The following PGBD2 variants were observed in gnomAD, a reference collection of about 807,000 sequenced individuals.
The protein encoded by PGBD2 is piggyBac transposable element-derived protein 2.
PGBD2 carries 6 observed loss-of-function variants against 8.1 expected under a neutral mutation model. That is an observed-to-expected ratio of 0.74 (90% CI 0.40 to 1.46). The LOEUF (loss-of-function observed/expected upper bound fraction) is 1.46. Among genes scored for constraint, PGBD2 ranks in the 40% most tolerant of loss-of-function variants. The pLI is 0.02. For synonymous variants in PGBD2, 318 were observed against 272.2 expected, an observed-to-expected ratio of 1.17 and a Z score of -1.66; for missense variants, 802 against 739.0, an observed-to-expected ratio of 1.09 and a Z score of -0.99.
chr1:248,873,970 T>A, the PGBD2 span, among the ~76,000 whole-genome samples: 1 of 152,186 alleles, frequency 6.6e-6, no homozygotes, highest in Non-Finnish European at 1.5e-5. Flanking sequence ...ACATTCGTTT[T>A]ATTAGCATTT....
At chr1:248,873,976 C>A in the PGBD2 span, among the ~76,000 whole-genome samples, 1 of 152,202 alleles carries the variant, frequency 6.6e-6, no homozygotes, top group Non-Finnish European at 1.5e-5. Context: ...GTTTTATTAG[C>A]ATTTTATTCC....
intron 1 of PGBD2, among the ~76,000 whole-genome samples, chr1:248,912,272 A>C (rs1402596497): frequency 6.6e-6 from 1 of 152,140 alleles, no homozygotes; most frequent in Admixed American, 6.5e-5. Context: ...TTATCAGTTT[A>C]CTGACAGGGT....
chr1:248,876,576 G>C, the PGBD2 span, among the ~76,000 whole-genome samples: 1 of 152,192 alleles, frequency 6.6e-6, no homozygotes. Context: ...GTGGAAACTA[G>C]TCTTGTTATA....
downstream of PGBD2, among the ~76,000 whole-genome samples, chr1:248,920,716 C>T (rs1423814005): frequency 1.3e-5 from 2 of 152,170 alleles, no homozygotes; most frequent in Admixed American, 6.5e-5. Flanking sequence ...AAGGAATCGC[C>T]ACACTGTCTT....
chr1:248,916,712 T>C lies in PGBD2; in HGVS notation c.128T>C (p.Phe43Ser). 1 of 1,614,142 alleles carries C rather than the reference T, an allele frequency of 6.2e-7. No homozygotes were observed. Among genetic ancestry groups the C allele is most frequent in the East Asian group, 2.2e-5 (1 of 44,876 alleles). The change falls in exon 3 of 3, where the codon TTC becomes TCC. Residue 43 changes from phenylalanine (F) to serine (S), a missense_variant. By Grantham distance (155) the Phe-to-Ser change is radical. Transcript: ENST00000329291. ...EESNNNREEI[F>S]IAPPDNAAGE... ...TCCAACAACAACAGGGAAGAGATTT[T>C]CATTGCACCTCCCGACAATGCTGCG... is the stretch of plus-strand genomic sequence containing the variant.
At chr1:248,885,289 G>C in the PGBD2 span, among the ~76,000 whole-genome samples, 5 of 151,096 alleles carry the variant, frequency 3.3e-5, no homozygotes, top group Non-Finnish European at 7.4e-5. Flanking sequence ...CATGAGCCAC[G>C]ATGTCTGGCT....
downstream of PGBD2, among the ~76,000 whole-genome samples, chr1:248,924,808 C>G (rs1426060933): frequency 6.6e-6 from 1 of 152,238 alleles, no homozygotes; most frequent in Non-Finnish European, 1.5e-5. Flanking sequence ...CTTGCTGCCA[C>G]TGGCCCCGGC....
At position 248,916,747 on chromosome 1, in the gene PGBD2, A is replaced by G. The variant is rs774418521; in HGVS notation, c.163A>G (p.Thr55Ala). 1.9e-6 allele frequency: 3 copies of G among 1,614,124 alleles called. No individual in the cohort carries two copies. In the East Asian group the frequency reaches 6.7e-5, roughly 36 times the overall value. The change falls in exon 3 of 3, where the codon ACT (threonine) becomes GCT (alanine). Residue 55 changes from threonine to alanine, a missense_variant. Physicochemically the swap from Thr to Ala is moderately conservative, Grantham distance 58. Transcript: ENST00000329291. ...APPDNAAGEF[T>A]DEDSGDEDSQ... ...TCCCGACAATGCTGCGGGGGAATTC[A>G]CTGATGAGGACTCAGGGGATGAAGA...
At chr1:248,915,128 A>T (rs1558288017) in intron 2 of PGBD2, among the ~76,000 whole-genome samples, 2 of 152,082 alleles carry the variant, frequency 1.3e-5, no homozygotes, top group Non-Finnish European at 2.9e-5. Context: ...ATTCATTGCT[A>T]CCTGACACCA....
At chr1:248,906,482 C>G (rs961946522) in intron 1 of PGBD2, 140 bp downstream of exon 1, 1 of 150,894 alleles carries the variant, frequency 6.6e-6, no homozygotes, top group Non-Finnish European at 1.5e-5. Context: ...CTGGCGGGAC[C>G]AGGACAGGAA....
At chr1:248,886,696 A>G in the PGBD2 span, among the ~76,000 whole-genome samples, 10 of 152,232 alleles carry the variant, frequency 6.6e-5, no homozygotes, top group Non-Finnish European at 1.2e-4. Context: ...TTGTGAATGC[A>G]TGCTCCAGCT....
At chr1:248,875,353 G>A in the PGBD2 span, among the ~76,000 whole-genome samples, 3 of 147,000 alleles carry the variant, frequency 2.0e-5, no homozygotes, top group African/African-American at 7.5e-5. Context: ...AAAGAAAGTT[G>A]AGATCTGTAA....
intron 1 of PGBD2, among the ~76,000 whole-genome samples, chr1:248,907,762 G>C (rs1284110192): frequency 6.6e-6 from 1 of 152,182 alleles, no homozygotes; most frequent in African/African-American, 2.4e-5. Context: ...GGTCAAGGTT[G>C]GAGCAAAGAG....
At chr1:248,923,823 G>A (rs1449266011), downstream of PGBD2, among the ~76,000 whole-genome samples, 1 of 152,192 alleles carries the variant, frequency 6.6e-6, no homozygotes. Context: ...GGCAGATCCA[G>A]CCCCACTCAG....
chr1:248,880,531 C>A, the PGBD2 span, among the ~76,000 whole-genome samples: 1 of 152,212 alleles, frequency 6.6e-6, no homozygotes. Context: ...CTCATCAGAA[C>A]TTTCAACCCA....
At chr1:248,903,594 C>T (rs537697749), upstream of PGBD2, among the ~76,000 whole-genome samples, 4 of 152,324 alleles carry the variant, frequency 2.6e-5, no homozygotes, top group South Asian at 8.3e-4. Context: ...CATTTATTAA[C>T]AAGCAAGCTT....
rs1204174604 is a variant in PGBD2, at chr1:248,918,101, G to A, written c.1517G>A (p.Cys506Tyr). ...NNAWQLHRIC[C>Y]QDAQVDLLAF... ...GCATGGCAGCTGCATAGAATCTGCTGCCAAGATGCCCAGGTGGACCTCCTT... is the reference window on the plus strand; with the variant it reads ...GCATGGCAGCTGCATAGAATCTGCTACCAAGATGCCCAGGTGGACCTCCTT... Residue 506 changes from cysteine to tyrosine, a missense_variant, in exon 3 of 3, where the codon TGC (cysteine) becomes TAC (tyrosine). By Grantham distance (194) the Cys-to-Tyr change is radical. Transcript: ENST00000329291. 6.2e-7 allele frequency: 1 copy of A among 1,614,230 alleles called. No individual in the cohort carries two copies. The highest frequency in any genetic ancestry group is 1.1e-5 in the South Asian group (1 of 91,090).
intron 1 of PGBD2, among the ~76,000 whole-genome samples, chr1:248,909,503 G>A (rs776187299): frequency 1.3e-5 from 2 of 152,156 alleles, no homozygotes; most frequent in Non-Finnish European, 2.9e-5. Flanking sequence ...TGAGATGGAC[G>A]GGGTGCCCTG....
At chr1:248,909,812 G>C (rs1661802073) in intron 1 of PGBD2, among the ~76,000 whole-genome samples, 1 of 152,208 alleles carries the variant, frequency 6.6e-6, no homozygotes, top group Admixed American at 6.5e-5. Flanking sequence ...TAGGGAACCT[G>C]AGGGAGACAG....
Sources: allele counts gnomAD v4.1 joint callset (sites outside exome capture counted in the v4.1 genomes callset), GRCh38; gene constraint gnomAD v4.1.1; transcripts MANE v1.5; gene names NCBI Gene and HGNC (gene_info 2026-07-23, HGNC 2026-07-21).